PCNX2: variants seen among roughly 807,000 people sequenced by gnomAD.
PCNX2 encodes pecanex-like protein 2.
A neutral mutation model predicts 223.8 loss-of-function variants in PCNX2; 168 were observed. That is an observed-to-expected ratio of 0.75 (90% CI 0.66 to 0.85). The LOEUF (loss-of-function observed/expected upper bound fraction) is 0.85. Among genes scored for constraint, PCNX2 ranks in the 40% least tolerant of loss-of-function variants. PCNX2 has a pLI of 0.00. For missense variants in PCNX2, 2,507 were observed against 2,675.5 expected (o/e 0.94, Z 1.39); for synonymous variants, 1,006 against 1,052.6 (o/e 0.96, Z 0.86).
At chr1:233,112,709 T>TCGC in intron 21 of PCNX2, 1 of 567,780 alleles carries the variant, frequency 1.8e-6, no homozygotes, top group South Asian at 4.2e-5. Flanking sequence ...GTGTAGATCT[T>TCGC]TGAACAATAT....
intron 25 of PCNX2, among the ~76,000 whole-genome samples, chr1:233,037,574 G>C (rs1404487409): frequency 6.6e-6 from 1 of 151,700 alleles, no homozygotes; most frequent in African/African-American, 2.4e-5. Context: ...TTGTACACCT[G>C]GCCTCATATA....
chr1:233,005,086 G>A (rs1016314946), intron 28 of PCNX2, among the ~76,000 whole-genome samples: 2 of 152,102 alleles, frequency 1.3e-5, no homozygotes, highest in African/African-American at 4.8e-5. Flanking sequence ...GCTCTCAAAA[G>A]AAAACATTTG....
intron 10 of PCNX2, among the ~76,000 whole-genome samples, chr1:233,219,577 C>A (rs925213954): frequency 5.9e-5 from 9 of 151,830 alleles, no homozygotes; most frequent in African/African-American, 2.2e-4. Flanking sequence ...GTTTTTTAGA[C>A]AAGAATATTT....
chr1:232,988,383 G>A (rs186517495), intron 32 of PCNX2, among the ~76,000 whole-genome samples: 6 of 151,920 alleles, frequency 3.9e-5, no homozygotes, highest in African/African-American at 1.2e-4. Context: ...GGACTCCCCC[G>A]CCACCCGATT....
chr1:233,282,689 G>A (rs551175305), intron 1 of PCNX2, among the ~76,000 whole-genome samples: 33 of 152,270 alleles, frequency 2.2e-4, no homozygotes, highest in Admixed American at 3.3e-4. Context: ...CTGGGTGACT[G>A]AAATAGACAC....
intron 23 of PCNX2, among the ~76,000 whole-genome samples, chr1:233,068,290 C>G (rs1435173917): frequency 6.6e-6 from 1 of 151,604 alleles, no homozygotes; most frequent in Non-Finnish European, 1.5e-5. Context: ...CAGAATGTAT[C>G]AAAGGAAGAA....
chr1:233,161,644 T>A (rs1678488361), intron 17 of PCNX2, among the ~76,000 whole-genome samples: 1 of 151,962 alleles, frequency 6.6e-6, no homozygotes, highest in Non-Finnish European at 1.5e-5. Flanking sequence ...GAAGAAAGGT[T>A]TTCTACACAA....
At chr1:233,088,919 C>G (rs1673736856) in intron 23 of PCNX2, among the ~76,000 whole-genome samples, 1 of 152,184 alleles carries the variant, frequency 6.6e-6, no homozygotes, top group Non-Finnish European at 1.5e-5. Context: ...CCTCACAAGT[C>G]TATGAAGTAG....
intron 23 of PCNX2, among the ~76,000 whole-genome samples, chr1:233,062,553 C>T (rs1672444976): frequency 6.6e-6 from 1 of 152,164 alleles, no homozygotes; most frequent in African/African-American, 2.4e-5. Flanking sequence ...ATCCTAATGG[C>T]TTTTGCCCCA....
intron 1 of PCNX2, among the ~76,000 whole-genome samples, chr1:233,265,235 G>C (rs1660265655): frequency 9.5e-6 from 1 of 105,094 alleles, no homozygotes; most frequent in South Asian, 4.3e-4. Flanking sequence ...TACCAAGTGA[G>C]ACCCTCTCTA....
chr1:233,027,254 G>T (rs539902847), intron 25 of PCNX2, among the ~76,000 whole-genome samples: 26 of 152,258 alleles, frequency 1.7e-4, no homozygotes, highest in Non-Finnish European at 3.1e-4. Context: ...GTTGATCTTT[G>T]CAAGACGGGT....
At chr1:233,259,448 A>G in intron 4 of PCNX2, 104 bp from the exon 5 acceptor site, 1 of 1,392,030 alleles carries the variant, frequency 7.2e-7, no homozygotes, top group Admixed American at 2.8e-5. Context: ...ACCAGCAACT[A>G]ATGGAATTAG....
At chr1:233,180,375 G>C (rs1432060734) in intron 15 of PCNX2, among the ~76,000 whole-genome samples, 1 of 152,106 alleles carries the variant, frequency 6.6e-6, no homozygotes, top group African/African-American at 2.4e-5. Context: ...ACACACACCT[G>C]GTGCTCCCAC....
chr1:233,093,474 A>G (rs1318010178), intron 22 of PCNX2, among the ~76,000 whole-genome samples: 1 of 152,256 alleles, frequency 6.6e-6, no homozygotes. Flanking sequence ...TGATAAAATA[A>G]TTAACATTTC....
Position 232,984,064 on chromosome 1 carries a change from T to C in PCNX2, c.*240A>G, listed in dbSNP as rs919717032. 2.6e-6 allele frequency: 1 copy of C among 390,750 alleles called. No individual in the cohort carries two copies. Among genetic ancestry groups the C allele is most frequent in the Non-Finnish European group, 4.4e-6 (1 of 226,752 alleles). The allele number at this position is 390,750 out of a possible 1,614,324, so 24.2% of individuals were successfully genotyped here. A position where few individuals can be genotyped will look rare whatever the true frequency, so the allele number is the denominator to read the frequency against. Reference sequence around the variant, plus strand: ...GTGGTGTGGCTTCTTTGTTGCTTTTTTTTGTTTCCCCATCATGTGAGGTTT... The same window carrying C: ...GTGGTGTGGCTTCTTTGTTGCTTTTCTTTGTTTCCCCATCATGTGAGGTTT... On this transcript the variant is annotated 3_prime_UTR_variant, in exon 34 of 34. Transcript: ENST00000258229.
At chr1:233,225,023 G>A (rs1031542376) in intron 10 of PCNX2, among the ~76,000 whole-genome samples, 2 of 145,960 alleles carry the variant, frequency 1.4e-5, no homozygotes, top group Non-Finnish European at 3.0e-5. Context: ...CCTAGATGAC[G>A]AGTTGATAGG....
Position 233,014,723 on chromosome 1 carries a change from C to T in PCNX2, c.4894G>A (p.Ala1632Thr), listed in dbSNP as rs1202839487. 4 of 1,613,926 alleles carry T rather than the reference C, an allele frequency of 2.5e-6. No individual in the cohort carries two copies. Among genetic ancestry groups the T allele is most frequent in the African/African-American group, 2.7e-5 (2 of 75,002 alleles). The change falls in exon 28 of 34, where the codon GCC becomes ACC. Residue 1632 changes from alanine to threonine, a missense_variant. This residue lies in a region of PCNX2 where 1,372 missense variants were observed against 1,509.4 expected (regional missense o/e 0.91). Transcript: ENST00000258229. ...GCTCTCCTCCCCAGGGTGCACAGGGCGAAGGACAGAGTCACCAAGGGAGAG... is the reference window on the plus strand; with the variant it reads ...GCTCTCCTCCCCAGGGTGCACAGGGTGAAGGACAGAGTCACCAAGGGAGAG... ...EDSPLVTLSF[A>T]LCTLGRRALG...
At chr1:233,130,174 G>A (rs554182991) in intron 21 of PCNX2, among the ~76,000 whole-genome samples, 2 of 151,976 alleles carry the variant, frequency 1.3e-5, no homozygotes, top group Non-Finnish European at 2.9e-5. Flanking sequence ...GAACACATCC[G>A]AACATCGGAA....
chr1:233,185,611 G>A (rs949074580), intron 15 of PCNX2, among the ~76,000 whole-genome samples: 6 of 152,152 alleles, frequency 3.9e-5, no homozygotes, highest in Admixed American at 2.0e-4. Context: ...TTCAGTGCTT[G>A]TTGCCTATTT....
Sources: allele counts gnomAD v4.1 joint callset (sites outside exome capture counted in the v4.1 genomes callset), GRCh38; gene constraint gnomAD v4.1.1; regional missense constraint gnomAD v4.1.1; transcripts MANE v1.5; gene names NCBI Gene and HGNC (gene_info 2026-07-23, HGNC 2026-07-21).